Variants in AKAP13 observed in about 807,000 individuals in gnomAD.
AKAP13 encodes A-kinase anchor protein 13.
Under a neutral mutation model 264.5 loss-of-function variants are expected in AKAP13, and 80 were observed. The ratio of observed to expected loss-of-function variants is 0.30; its 90% CI spans 0.25 to 0.36. The LOEUF (loss-of-function observed/expected upper bound fraction) is 0.36, where lower values mean the gene tolerates loss of function less well. Among genes scored for constraint, AKAP13 ranks in the 10% least tolerant of loss-of-function variants. The pLI, the probability that AKAP13 is intolerant of heterozygous loss-of-function variation, is 1.00. For synonymous variants in AKAP13, 1,380 were observed against 1,250.2 expected (o/e 1.10, Z -2.19); for missense variants, 3,712 against 3,435.2 (o/e 1.08, Z -2.01).
chr15:85,702,429 GT>G (rs2085983980), intron 17 of AKAP13: 1 of 152,162 alleles, frequency 6.6e-6, no homozygotes, highest in African/African-American at 2.4e-5. Flanking sequence ...GAAAATATGA[GT>G]AATTTGGGGA....
At chr15:85,626,544 A>C (rs960539212) in intron 8 of AKAP13, among the ~76,000 whole-genome samples, 3 of 152,208 alleles carry the variant, frequency 2.0e-5, no homozygotes, top group African/African-American at 7.2e-5. Flanking sequence ...TAATATCTTC[A>C]AGGTTCATCC....
At chr15:85,396,683 G>C (rs373999543) in intron 1 of AKAP13, among the ~76,000 whole-genome samples, 26 of 152,220 alleles carry the variant, frequency 1.7e-4, no homozygotes, top group African/African-American at 6.3e-4. Flanking sequence ...AGGCACGATA[G>C]GTTTCCAGGA....
At chr15:85,693,005 G>T in intron 16 of AKAP13, 1 of 368,502 alleles carries the variant, frequency 2.7e-6, no homozygotes, top group Non-Finnish European at 4.8e-6. Flanking sequence ...TGGTCCTTGG[G>T]TATTGTGTCT....
intron 1 of AKAP13, among the ~76,000 whole-genome samples, chr15:85,442,495 A>G (rs1395616307): frequency 9.3e-6 from 1 of 107,898 alleles, no homozygotes; most frequent in Non-Finnish European, 1.9e-5. Flanking sequence ...TATATAATAT[A>G]TATTATATTA....
chr15:85,741,847 C>G (rs990742457), intron 35 of AKAP13, among the ~76,000 whole-genome samples: 3 of 152,006 alleles, frequency 2.0e-5, no homozygotes, highest in Non-Finnish European at 4.4e-5. Context: ...GAGTTTGAGA[C>G]CAGCCTGGTC....
chr15:85,572,677 T>A (rs2078859836), intron 5 of AKAP13, among the ~76,000 whole-genome samples: 1 of 152,108 alleles, frequency 6.6e-6, no homozygotes, highest in Non-Finnish European at 1.5e-5. Context: ...AAATTTTTTT[T>A]TTATTATTAC....
chr15:85,385,183 C>G (rs1325619893), intron 1 of AKAP13, among the ~76,000 whole-genome samples: 1 of 152,132 alleles, frequency 6.6e-6, no homozygotes, highest in African/African-American at 2.4e-5. Flanking sequence ...GACCCTTTTT[C>G]TACATAACCA....
At chr15:85,625,761 T>C (rs2081380513) in intron 8 of AKAP13, among the ~76,000 whole-genome samples, 1 of 152,224 alleles carries the variant, frequency 6.6e-6, no homozygotes, top group South Asian at 2.1e-4. Context: ...GTATCTGGCC[T>C]GTAGGAAGCA....
chr15:85,677,643 TTGTG>T (rs2084308231), intron 14 of AKAP13, among the ~76,000 whole-genome samples: 1 of 138,476 alleles, frequency 7.2e-6, no homozygotes. Context: ...TGAGTGTGTG[TTGTG>T]TTTTTTTTTT....
chr15:85,716,695 TTTTTGTTTTG>T (rs369640063), intron 20 of AKAP13, among the ~76,000 whole-genome samples: 2 of 152,222 alleles, frequency 1.3e-5, no homozygotes, highest in African/African-American at 4.8e-5. Context: ...GTTTCAGGTA[TTTTTGTTTTG>T]TTTTGTTTTG....
chr15:85,729,715 T>A (rs146867127), intron 29 of AKAP13, among the ~76,000 whole-genome samples: 8 of 152,004 alleles, frequency 5.3e-5, no homozygotes, highest in African/African-American at 1.9e-4. Flanking sequence ...GGCGGGCAGA[T>A]CACCCAAGGT....
At chr15:85,731,045 C>G (rs2087976336) in intron 30 of AKAP13, among the ~76,000 whole-genome samples, 1 of 116,422 alleles carries the variant, frequency 8.6e-6, no homozygotes, top group South Asian at 2.8e-4. Context: ...TGCTCTGTTT[C>G]CCAGGCTGGA....
In AKAP13 at chr15:85,727,475, C is replaced by T. The variant is rs763848845; in HGVS notation, c.7087+12C>T. 7.4e-6 allele frequency: 12 copies of T among 1,613,620 alleles called. No individual in the cohort carries two copies. Among genetic ancestry groups the T allele is most frequent in the South Asian group, 3.3e-5 (3 of 91,062 alleles). On this transcript the variant is annotated intron_variant, in intron 29 of 36. Coordinates refer to ENST00000394518, the MANE Select transcript of AKAP13 (RefSeq NM_007200.5). The surrounding 1 kb of genome is among the most constrained non-coding windows in gnomAD (Gnocchi z 5.3). ...CCGAGAATTAAAAGGTGAGGCATTGCGAGTGGTCTGAGCCCCTTGTCTGGA... is the reference window on the plus strand; with the variant it reads ...CCGAGAATTAAAAGGTGAGGCATTGTGAGTGGTCTGAGCCCCTTGTCTGGA...
Position 85,427,074 on chromosome 15 carries a change from G to A in AKAP13, c.-12+46276G>A, listed in dbSNP as rs554688492. On this transcript the variant is annotated intron_variant, in intron 1 of 36. Transcript: ENST00000394518. ...GGGTTCACGCCATTCTCCTGCCTCA[G>A]CCTCCCGAATAGCTGGGACTACAGG... 9.3e-5 allele frequency among the ~76,000 whole-genome samples: 14 copies of A among 150,194 alleles called. No individual in the cohort carries two copies. The East Asian group carries it at 2.7e-3, about 29-fold the overall frequency.
intron 9 of AKAP13, among the ~76,000 whole-genome samples, chr15:85,643,975 C>A: frequency 6.6e-6 from 1 of 152,264 alleles, no homozygotes; most frequent in East Asian, 1.9e-4. Context: ...TTTGGATGCC[C>A]GTGTACTATT....
At chr15:85,443,307 TA>T (rs1258380422) in intron 1 of AKAP13, among the ~76,000 whole-genome samples, 1 of 152,160 alleles carries the variant, frequency 6.6e-6, no homozygotes, top group Admixed American at 6.5e-5. Flanking sequence ...ATTAGCTGAA[TA>T]AAAAGATAAA....
At chr15:85,502,355 A>G (rs771539570) in intron 2 of AKAP13, among the ~76,000 whole-genome samples, 3 of 152,230 alleles carry the variant, frequency 2.0e-5, no homozygotes, top group Non-Finnish European at 4.4e-5. Context: ...ATTATTGAAT[A>G]CTTACTAAAC....
intron 18 of AKAP13, among the ~76,000 whole-genome samples, chr15:85,709,050 C>T (rs1241915290): frequency 1.3e-5 from 2 of 152,164 alleles, no homozygotes; most frequent in South Asian, 2.1e-4. Flanking sequence ...GCCAGATCTT[C>T]TTTAGCCTAT....
At chr15:85,564,089 A>G (rs1049326880) in intron 5 of AKAP13, among the ~76,000 whole-genome samples, 4 of 152,230 alleles carry the variant, frequency 2.6e-5, no homozygotes, top group African/African-American at 9.6e-5. Context: ...AAATTAGTGT[A>G]CTTAAAATTT....
Sources: gnomAD v4.1 joint callset for allele counts (sites outside exome capture counted in the v4.1 genomes callset) on GRCh38, gnomAD v4.1.1 for gene constraint, Gnocchi (gnomAD v3.1) non-coding constraint, MANE v1.5 for transcripts, NCBI Gene and HGNC (gene_info 2026-07-23, HGNC 2026-07-21) for gene names.